SNX13: variants seen among roughly 807,000 people sequenced by gnomAD.
SNX13 encodes sorting nexin-13.
In SNX13, 45 loss-of-function variants were observed where a neutral mutation model predicts 133.6. The observed-to-expected ratio is 0.34, with a 90% CI of 0.27 to 0.43. The LOEUF (loss-of-function observed/expected upper bound fraction) is 0.43. SNX13 is among the 20% of genes least tolerant of loss of function. SNX13 has a pLI of 1.00. For missense variants in SNX13, 1,032 were observed against 1,145.1 expected, an observed-to-expected ratio of 0.90 and a Z score of 1.43; for synonymous variants, 414 against 373.9, an observed-to-expected ratio of 1.11 and a Z score of -1.24.
intron 1 of SNX13, among the ~76,000 whole-genome samples, chr7:17,916,210 C>A (rs997605062): frequency 1.3e-5 from 2 of 152,070 alleles, no homozygotes; most frequent in Non-Finnish European, 2.9e-5. Context: ...AATTAACAAC[C>A]TCACCTCGCA....
At chr7:17,798,305 T>C (rs1784274193) in intron 24 of SNX13, among the ~76,000 whole-genome samples, 2 of 151,930 alleles carry the variant, frequency 1.3e-5, no homozygotes, top group South Asian at 4.1e-4. Flanking sequence ...CCAGAGAGAC[T>C]TACTTAAAAC....
intron 25 of SNX13, 150 bp from the exon 26 acceptor site, chr7:17,794,442 A>G: frequency 1.1e-6 from 1 of 917,606 alleles, no homozygotes; most frequent in Non-Finnish European, 1.6e-6. Context: ...TATAGCTGAA[A>G]CTTAATATGC....
At chr7:17,882,260 A>AAG in intron 5 of SNX13, 1 of 152,190 alleles carries the variant, frequency 6.6e-6, no homozygotes. Context: ...ATGTTCAGTG[A>AAG]CTTCATGCTG....
At chr7:17,886,521 T>A (rs1796008203) in intron 5 of SNX13, among the ~76,000 whole-genome samples, 1 of 151,822 alleles carries the variant, frequency 6.6e-6, no homozygotes, top group African/African-American at 2.4e-5. Flanking sequence ...TGAGCCGAGA[T>A]CGTGCCACTG....
chr7:17,834,701 T>C, intron 14 of SNX13, 60 bp downstream of exon 14: 1 of 1,141,886 alleles, frequency 8.8e-7, no homozygotes, highest in Non-Finnish European at 1.2e-6. Flanking sequence ...ACTAATTACA[T>C]TACATAAAAG....
intron 20 of SNX13, among the ~76,000 whole-genome samples, chr7:17,804,044 CA>C (rs1784917956): frequency 6.6e-6 from 1 of 151,864 alleles, no homozygotes; most frequent in Non-Finnish European, 1.5e-5. Context: ...CCAGCCTGGG[CA>C]AAAGTGAGAC....
rs1021555073 is a variant in SNX13, at chr7:17,793,963, C to T, written c.*82G>A. The T allele has an allele frequency of 6.9e-7, 1 of 1,459,432 alleles. No individual in the cohort carries two copies. Among genetic ancestry groups the T allele is most frequent in the Non-Finnish European group, 9.3e-7 (1 of 1,075,366 alleles). The allele number at this position is 1,459,432 out of a possible 1,614,324, so 90.4% of individuals were successfully genotyped here. A position where few individuals can be genotyped will look rare whatever the true frequency, so the allele number is the denominator to read the frequency against. ...CACTAAAAGACTGGTGCAGACACAA[C>T]AGTATTTGAGTTAAGCCCCAGAAGA... On this transcript the variant is annotated 3_prime_UTR_variant, in exon 26 of 26. Transcript: ENST00000428135.
chr7:17,814,910 G>A lies in SNX13; in HGVS notation c.1988C>T (p.Pro663Leu), dbSNP rs1457772971. Residue 663 changes from proline to leucine, a missense_variant, in exon 20 of 26, where the codon CCC becomes CTC. Pro to Leu is a moderately conservative substitution (Grantham distance 98). Coordinates refer to ENST00000428135, the MANE Select transcript of SNX13 (RefSeq NM_015132.5). Reference sequence around the variant, plus strand: ...ATCATACACATAGTGAGCTAAAGCGGGGGATGCCTTCATCATTTCAGGAGC... The same window carrying A: ...ATCATACACATAGTGAGCTAAAGCGAGGGATGCCTTCATCATTTCAGGAGC... ...LLAPEMMKAS[P>L]ALAHYVYDFL... 6.6e-7 allele frequency: 1 copy of A among 1,509,846 alleles called. No individual in the cohort carries two copies. Among genetic ancestry groups the A allele is most frequent in the Non-Finnish European group, 8.8e-7 (1 of 1,139,230 alleles). 93.5% of individuals were successfully genotyped at this position (1,509,846 alleles called of 1,614,324 possible).
chr7:17,838,380 G>C (rs905600434), intron 13 of SNX13, among the ~76,000 whole-genome samples: 1 of 151,606 alleles, frequency 6.6e-6, no homozygotes, highest in Non-Finnish European at 1.5e-5. Flanking sequence ...TTTTTTCATG[G>C]CCAGTCTAGC....
chr7:17,822,696 A>G (rs1435451649), intron 17 of SNX13, among the ~76,000 whole-genome samples: 2 of 152,046 alleles, frequency 1.3e-5, no homozygotes, highest in Admixed American at 6.6e-5. Context: ...GCTCATTTCC[A>G]GCTGGTTTTA....
At chr7:17,843,514 G>A (rs924868441) in intron 12 of SNX13, among the ~76,000 whole-genome samples, 3 of 151,888 alleles carry the variant, frequency 2.0e-5, no homozygotes, top group Non-Finnish European at 2.9e-5. Context: ...TCTCAGTAAC[G>A]GATAGACCCA....
intron 5 of SNX13, among the ~76,000 whole-genome samples, chr7:17,885,476 A>G (rs1416833157): frequency 4.6e-5 from 7 of 152,216 alleles, no homozygotes; most frequent in Admixed American, 4.6e-4. Context: ...TGAACTGTAT[A>G]GTTTGTGAAT....
chr7:17,819,812 T>G (rs1647041664), intron 18 of SNX13, among the ~76,000 whole-genome samples: 1 of 152,134 alleles, frequency 6.6e-6, no homozygotes, highest in African/African-American at 2.4e-5. Context: ...AGTTTTTAAT[T>G]TCTTAAGTTC....
intron 15 of SNX13, among the ~76,000 whole-genome samples, chr7:17,833,386 C>G (rs1481173648): frequency 1.3e-5 from 2 of 151,530 alleles, no homozygotes; most frequent in African/African-American, 4.8e-5. Flanking sequence ...GATATTATTC[C>G]AGATTTACCA....
At chr7:17,890,779 C>T (rs1796539859) in intron 4 of SNX13, among the ~76,000 whole-genome samples, 1 of 150,416 alleles carries the variant, frequency 6.6e-6, no homozygotes, top group African/African-American at 2.4e-5. Flanking sequence ...ACAGGGTTTG[C>T]AGAAAAAAAA....
intron 1 of SNX13, among the ~76,000 whole-genome samples, chr7:17,914,656 G>C (rs953450753): frequency 1.3e-5 from 2 of 152,094 alleles, no homozygotes; most frequent in Non-Finnish European, 2.9e-5. Flanking sequence ...AAGAAATAAA[G>C]TCCTTCCCAG....
chr7:17,819,890 G>GTTTTATAAAGTTTAT (rs1787090967), intron 18 of SNX13, among the ~76,000 whole-genome samples: 4 of 96,422 alleles, frequency 4.1e-5, no homozygotes, highest in African/African-American at 6.0e-5. Flanking sequence ...AACTTTATAA[G>GTTTTATAAAGTTTAT]AAACACACAC....
chr7:17,831,923 T>C, intron 15 of SNX13: 2 of 984,402 alleles, frequency 2.0e-6, no homozygotes, highest in Non-Finnish European at 2.4e-6. Context: ...ACAGTTACTT[T>C]AAATAGTAAT....
intron 18 of SNX13, among the ~76,000 whole-genome samples, chr7:17,817,423 C>A (rs917356653): frequency 3.9e-5 from 6 of 152,130 alleles, no homozygotes; most frequent in African/African-American, 1.4e-4. Context: ...TTGAAAACGT[C>A]TCTGTAAAGA....
Sources: allele counts gnomAD v4.1 joint callset (sites outside exome capture counted in the v4.1 genomes callset), GRCh38; gene constraint gnomAD v4.1.1; transcripts MANE v1.5; gene names NCBI Gene and HGNC (gene_info 2026-07-23, HGNC 2026-07-21).